The following CDH1 variants were observed in gnomAD, a reference collection of about 807,000 sequenced individuals.
CDH1 encodes cadherin 1.
A neutral mutation model predicts 84.5 loss-of-function variants in CDH1; 35 were observed. The ratio of observed to expected loss-of-function variants is 0.41; its 90% CI spans 0.32 to 0.55. CDH1 has a LOEUF of 0.55. Among genes scored for constraint, CDH1 ranks in the 20% least tolerant of loss-of-function variants. CDH1 has a pLI of 0.19. For synonymous variants in CDH1, 417 were observed against 439.0 expected (o/e 0.95, Z 0.63); for missense variants, 994 against 1,126.6 (o/e 0.88, Z 1.68).
At chr16:68,754,407 G>A (rs551309420) in intron 2 of CDH1, among the ~76,000 whole-genome samples, 2 of 152,272 alleles carry the variant, frequency 1.3e-5, no homozygotes, top group East Asian at 3.9e-4. Flanking sequence ...GTGAGACACT[G>A]TCTCAAGAAA....
intron 13 of CDH1, among the ~76,000 whole-genome samples, chr16:68,827,503 TAACCCTTGTGTTA>T (rs1011785394): frequency 2.6e-5 from 4 of 152,204 alleles, no homozygotes; most frequent in African/African-American, 9.7e-5. Context: ...AGATCAAATG[TAACCCTTGTGTTA>T]AGCCTTGGAA....
chr16:68,806,118 TTG>T (rs1311010365), intron 3 of CDH1, among the ~76,000 whole-genome samples: 4 of 134,586 alleles, frequency 3.0e-5, no homozygotes, highest in Admixed American at 7.9e-5. Context: ...TGGCTAATTT[TTG>T]TATATTTATT....
At position 68,815,054 on chromosome 16, in the gene CDH1, C is replaced by T. The variant is rs150871311; in HGVS notation, c.1321-461C>T. ...CAGCCTGGCCAACATGGTGAAACGT[C>T]GTCTCTACTAAAAATACAAAAAATT... On this transcript the variant is annotated intron_variant, in intron 9 of 15. Coordinates refer to ENST00000261769, the MANE Select transcript of CDH1 (RefSeq NM_004360.5). Among the ~76,000 whole-genome samples the T allele has an allele frequency of 5.3e-5, 8 of 151,886 alleles. No individual in the cohort carries two copies. The East Asian group carries it at 1.4e-3, about 26-fold the overall frequency.
chr16:68,810,379 C>T (rs376161688), intron 6 of CDH1, 38 bp downstream of exon 6: 1 of 1,599,238 alleles, frequency 6.3e-7, no homozygotes. Context: ...CTCAGAAAGA[C>T]TCTTAGGTTC....
At chr16:68,766,853 G>A (rs13330378) in intron 2 of CDH1, among the ~76,000 whole-genome samples, 42,925 of 151,610 alleles carry the variant, frequency 0.28, 6,162 homozygotes, top group Middle Eastern at 0.33. Context: ...TCAGCCTCCC[G>A]AGTAGCTGGG....
chr16:68,743,284 T>C (rs1030486187), intron 2 of CDH1, among the ~76,000 whole-genome samples: 3 of 3,036 alleles, frequency 9.9e-4, no homozygotes, highest in African/African-American at 2.7e-3. Context: ...GCTGGGTCTC[T>C]TTCTTTCTTT....
chr16:68,814,852 T>C (rs1166545101), intron 9 of CDH1, among the ~76,000 whole-genome samples: 1 of 149,664 alleles, frequency 6.7e-6, no homozygotes, highest in Non-Finnish European at 1.5e-5. Flanking sequence ...CCCAGGGGGT[T>C]GAAGCTGCAC....
At chr16:68,781,573 A>C (rs1959879251) in intron 2 of CDH1, among the ~76,000 whole-genome samples, 1 of 152,060 alleles carries the variant, frequency 6.6e-6, no homozygotes, top group African/African-American at 2.4e-5. Flanking sequence ...TCCTGAGCTC[A>C]AGCAATCCAT....
At position 68,741,701 on chromosome 16, in the gene CDH1, CG is replaced by C. The variant is rs1303423635; in HGVS notation, c.163+3292del. 1.1e-3 allele frequency among the ~76,000 whole-genome samples: 166 copies of C among 151,502 alleles called. 1 individual carries two copies. The highest frequency in any genetic ancestry group is 3.8e-3 in the African/African-American group (155 of 41,326). ...TAATAAACCAGTTTTTGTTTTGAGA[CG>C]GAGTTTTGCTCTTGCCGCCCAGCCT... On this transcript the variant is annotated intron_variant, in intron 2 of 15. Coordinates refer to ENST00000261769, the MANE Select transcript of CDH1 (RefSeq NM_004360.5).
chr16:68,810,475 T>C (rs2152131390), intron 6 of CDH1, 134 bp downstream of exon 6: 1 of 792,408 alleles, frequency 1.3e-6, no homozygotes. Context: ...GGCAAGCCAT[T>C]GTTGTGTTAT....
At chr16:68,763,684 T>C (rs1338756230) in intron 2 of CDH1, among the ~76,000 whole-genome samples, 3 of 152,208 alleles carry the variant, frequency 2.0e-5, no homozygotes, top group Non-Finnish European at 2.9e-5. Context: ...GCTCCAGGAT[T>C]TGAAATGCTG....
At position 68,822,149 on chromosome 16, in the gene CDH1, T is replaced by G. The variant is rs786201329; in HGVS notation, c.1860T>G (p.Pro620=). 6.2e-7 allele frequency: 1 copy of G among 1,614,048 alleles called. No homozygotes were observed. The highest frequency in any genetic ancestry group is 8.5e-7 in the Non-Finnish European group (1 of 1,179,976). ...TAAACATCATTGATGCAGACCTTCC[T>G]CCCAATACATCTCCCTTCACAGCAG... ...QVINIIDADL[P]PNTSPFTAEL... The change falls in exon 12 of 16, where the codon CCT becomes CCG. Residue 620 remains proline, a synonymous_variant. Coordinates refer to ENST00000261769, the MANE Select transcript of CDH1 (RefSeq NM_004360.5).
intron 3 of CDH1, among the ~76,000 whole-genome samples, chr16:68,806,883 A>T (rs1474116142): frequency 6.6e-6 from 1 of 152,170 alleles, no homozygotes; most frequent in Non-Finnish European, 1.5e-5. Flanking sequence ...ACATGTGGCC[A>T]GTGTGCAGCA....
At chr16:68,785,619 A>C (rs539368398) in intron 2 of CDH1, among the ~76,000 whole-genome samples, 1 of 152,144 alleles carries the variant, frequency 6.6e-6, no homozygotes, top group Admixed American at 6.6e-5. Context: ...GATTACAGGG[A>C]TAAACTTATT....
intron 2 of CDH1, among the ~76,000 whole-genome samples, chr16:68,795,593 C>G (rs186841158): frequency 1.1e-4 from 16 of 152,188 alleles, no homozygotes; most frequent in East Asian, 3.9e-4. Flanking sequence ...CTCCTGTGTT[C>G]GAGCAATTCT....
intron 13 of CDH1, among the ~76,000 whole-genome samples, chr16:68,825,146 A>G (rs1961285724): frequency 6.6e-6 from 1 of 152,196 alleles, no homozygotes; most frequent in Non-Finnish European, 1.5e-5. Flanking sequence ...TTTAAAGATC[A>G]TATATAATTA....
intron 2 of CDH1, among the ~76,000 whole-genome samples, chr16:68,764,905 T>C (rs1959323686): frequency 6.6e-6 from 1 of 152,230 alleles, no homozygotes; most frequent in African/African-American, 2.4e-5. Flanking sequence ...GACTGGATAA[T>C]GCAGACTAGT....
chr16:68,829,557 G>C (rs2152142093), intron 14 of CDH1, 97 bp from the exon 15 acceptor site: 1 of 1,184,820 alleles, frequency 8.4e-7, no homozygotes, highest in Non-Finnish European at 1.2e-6. Context: ...GGCAGTGAAG[G>C]CATCATCCAA....
chr16:68,752,505 GGAAT>G (rs150848599), intron 2 of CDH1, among the ~76,000 whole-genome samples: 1 of 152,286 alleles, frequency 6.6e-6, no homozygotes, highest in Non-Finnish European at 1.5e-5. Context: ...AGTATCCGAA[GGAAT>G]GAATGAATGA....
Sources: allele counts gnomAD v4.1 joint callset (sites outside exome capture counted in the v4.1 genomes callset), GRCh38; gene constraint gnomAD v4.1.1; transcripts MANE v1.5; gene names NCBI Gene and HGNC (gene_info 2026-07-23, HGNC 2026-07-21).